Variants in NCR1 observed in about 807,000 individuals in gnomAD.
NCR1 encodes natural cytotoxicity triggering receptor 1.
Under a neutral mutation model 32.5 loss-of-function variants are expected in NCR1, and 30 were observed. The observed-to-expected ratio is 0.92, with a 90% CI of 0.69 to 1.25. The LOEUF is 1.25. Among genes scored for constraint, NCR1 ranks in the 50% most tolerant of loss-of-function variants. The pLI is 0.00. For synonymous variants in NCR1, 169 were observed against 143.4 expected (o/e 1.18, Z -1.28); for missense variants, 369 against 380.7 (o/e 0.97, Z 0.26).
At chr19:54,936,167 G>A in the NCR1 span, 343 of 1,077,042 alleles carry the variant, frequency 3.2e-4, 1 homozygote, top group Non-Finnish European at 4.3e-4. Flanking sequence ...TGTCTGGGAC[G>A]GCATCTGGAG....
At chr19:54,933,826 C>T in the NCR1 span, 1 of 1,136,100 alleles carries the variant, frequency 8.8e-7, no homozygotes, top group South Asian at 1.2e-5. Context: ...CTAGGGTACT[C>T]AGCTTCAGCC....
In NCR1 at chr19:54,912,799, G is replaced by A. The variant is rs1406498976; in HGVS notation, c.843G>A (p.Lys281=). 8 of 1,613,856 alleles carry A rather than the reference G, an allele frequency of 5.0e-6. No individual in the cohort carries two copies. In the Admixed American group the frequency reaches 1.0e-4, roughly 20 times the overall value. ...WFLVEDWLSR[K]RTRERASRAS... Reference sequence around the variant, plus strand: ...TGGTTGAAGACTGGCTCAGCAGGAAGAGGACTAGAGAGCGAGCCAGCAGAG... The same window carrying A: ...TGGTTGAAGACTGGCTCAGCAGGAAAAGGACTAGAGAGCGAGCCAGCAGAG... The change falls in exon 7 of 7, where the codon AAG becomes AAA. Residue 281 remains lysine (K), a synonymous_variant. Coordinates refer to ENST00000291890, the MANE Select transcript of NCR1 (RefSeq NM_004829.7).
chr19:54,925,816 T>C, the NCR1 span, among the ~76,000 whole-genome samples: 1 of 151,842 alleles, frequency 6.6e-6, no homozygotes, highest in African/African-American at 2.4e-5. Context: ...CTGGCCAACA[T>C]AGTGAAACCC....
At chr19:54,911,118 A>G (rs143870612) in intron 5 of NCR1, among the ~76,000 whole-genome samples, 6,571 of 151,964 alleles carry the variant, frequency 0.043, 314 homozygotes, top group African/African-American at 0.11. Context: ...AAACCGAGGC[A>G]GGTGGATCAT....
At position 54,906,155 on chromosome 19, in the gene NCR1, A is replaced by G. The variant is rs755045650; in HGVS notation, c.-33A>G. On this transcript the variant is annotated 5_prime_UTR_variant, in exon 1 of 7. Coordinates refer to ENST00000291890, the MANE Select transcript of NCR1 (RefSeq NM_004829.7). ...CCCTGGCCCGCCCGGCTCAGTCCCC[A>G]CTGCTCAGCACTAGGCCGGCAGAAT... is the stretch of plus-strand genomic sequence containing the variant. The G allele has an allele frequency of 6.2e-7, 1 of 1,613,792 alleles. No individual in the cohort carries two copies. The highest frequency in any genetic ancestry group is 1.7e-5 in the Admixed American group (1 of 59,978).
the NCR1 span, chr19:54,937,948 G>T: frequency 1.2e-6 from 1 of 859,262 alleles, no homozygotes; most frequent in Non-Finnish European, 2.0e-6. Context: ...CCAAATACAT[G>T]GAGATGAAAC....
chr19:54,936,555 C>T, the NCR1 span: 11 of 845,942 alleles, frequency 1.3e-5, no homozygotes, highest in Non-Finnish European at 1.8e-5. Flanking sequence ...GGTGCAGTGG[C>T]TCGTGTCTGT....
At chr19:54,903,350 GCATA>G (rs768783195), upstream of NCR1, among the ~76,000 whole-genome samples, 3 of 108,260 alleles carry the variant, frequency 2.8e-5, no homozygotes, top group African/African-American at 4.5e-5. Flanking sequence ...ATACATATAT[GCATA>G]TATACATACA....
At chr19:54,916,899 T>C (rs910796910), downstream of NCR1, among the ~76,000 whole-genome samples, 10 of 150,706 alleles carry the variant, frequency 6.6e-5, no homozygotes, top group African/African-American at 2.4e-4. Context: ...TAACCCACAC[T>C]GGTGGCCTTT....
the NCR1 span, among the ~76,000 whole-genome samples, chr19:54,935,131 C>T: frequency 1.3e-5 from 2 of 152,114 alleles, no homozygotes; most frequent in Non-Finnish European, 2.9e-5. Flanking sequence ...ATCCCCATGG[C>T]CATTAGGGTA....
At chr19:54,911,775 T>C (rs1037478910) in intron 5 of NCR1, among the ~76,000 whole-genome samples, 7 of 152,116 alleles carry the variant, frequency 4.6e-5, no homozygotes, top group Admixed American at 3.3e-4. Context: ...GCAGGTCATC[T>C]GAGGTTGGGA....
chr19:54,900,614 C>G, the NCR1 span, among the ~76,000 whole-genome samples: 1 of 152,082 alleles, frequency 6.6e-6, no homozygotes, highest in East Asian at 1.9e-4. Flanking sequence ...ATCACCTGAC[C>G]TGGTGATCCG....
rs375917132 is a variant in NCR1 at position 54,906,551 on chromosome 19, C to G, written c.99C>G (p.Ala33=). 12 of 1,610,824 alleles carry G rather than the reference C, an allele frequency of 7.4e-6. No homozygotes were observed. In the African/African-American group the frequency reaches 1.6e-4, roughly 21 times the overall value. The part of the protein sequence containing the change: ...QQTLPKPFIW[A]EPHFMVPKEK... ...CTCTCCCAAAACCGTTCATCTGGGC[C>G]GAGCCCCATTTCATGGTTCCAAAGG... is the stretch of plus-strand genomic sequence containing the variant. Residue 33 remains alanine, a synonymous_variant, in exon 3 of 7, where the codon GCC becomes GCG. Coordinates refer to ENST00000291890, the MANE Select transcript of NCR1 (RefSeq NM_004829.7).
chr19:54,933,525 C>T, the NCR1 span: 1 of 1,605,980 alleles, frequency 6.2e-7, no homozygotes, highest in Non-Finnish European at 8.5e-7. Context: ...GTCTCTCCTG[C>T]TTGAATTCAT....
downstream of NCR1, among the ~76,000 whole-genome samples, chr19:54,913,910 A>C (rs1286459501): frequency 3.3e-5 from 5 of 152,006 alleles, no homozygotes; most frequent in Non-Finnish European, 7.4e-5. Context: ...TCTACTAAAA[A>C]TATAAAAATT....
At chr19:54,901,730 G>A (rs2067305794), upstream of NCR1, among the ~76,000 whole-genome samples, 2 of 152,140 alleles carry the variant, frequency 1.3e-5, no homozygotes, top group African/African-American at 4.8e-5. Flanking sequence ...CACTTTGGGA[G>A]GCTGAGGCAG....
chr19:54,904,702 T>C (rs1210242400), upstream of NCR1, among the ~76,000 whole-genome samples: 1 of 152,016 alleles, frequency 6.6e-6, no homozygotes. Flanking sequence ...CCGGCTAATT[T>C]TGAATTTTTA....
chr19:54,915,860 A>AC (rs1185528889), downstream of NCR1: 2 of 147,274 alleles, frequency 1.4e-5, no homozygotes, highest in Non-Finnish European at 3.0e-5. Flanking sequence ...AAAAAAAAAA[A>AC]CCACATAGGC....
chr19:54,925,923 C>T, the NCR1 span, among the ~76,000 whole-genome samples: 8 of 151,648 alleles, frequency 5.3e-5, no homozygotes, highest in Non-Finnish European at 1.0e-4. Flanking sequence ...TGGCGTGAAC[C>T]CGGGAGGTGG....
Sources: gnomAD v4.1 joint callset for allele counts (sites outside exome capture counted in the v4.1 genomes callset) on GRCh38, gnomAD v4.1.1 for gene constraint, MANE v1.5 for transcripts, NCBI Gene and HGNC (gene_info 2026-07-23, HGNC 2026-07-21) for gene names.